The following PTPRE variants were observed in gnomAD, a reference collection of about 807,000 sequenced individuals.
The protein encoded by PTPRE is receptor-type tyrosine-protein phosphatase epsilon.
PTPRE carries 51 observed loss-of-function variants against 102.0 expected under a neutral mutation model. The observed-to-expected ratio is 0.50, with a 90% CI of 0.40 to 0.63. PTPRE has a LOEUF of 0.63. PTPRE is among the 30% of genes least tolerant of loss of function. The pLI is 0.00. For synonymous variants in PTPRE, 345 were observed against 348.2 expected (o/e 0.99, Z 0.10); for missense variants, 752 against 915.1 (o/e 0.82, Z 2.30).
intron 2 of PTPRE, among the ~76,000 whole-genome samples, chr10:128,019,795 A>G (rs1335134710): frequency 6.6e-6 from 1 of 152,116 alleles, no homozygotes; most frequent in Non-Finnish European, 1.5e-5. Flanking sequence ...GGGTCCTGCG[A>G]GAGGTGTTGG....
intron 15 of PTPRE, 41 bp from the exon 16 acceptor site, chr10:128,072,097 G>A (rs755967035): frequency 1.3e-6 from 2 of 1,565,366 alleles, no homozygotes; most frequent in East Asian, 2.2e-5. Flanking sequence ...AGCAAGGTGG[G>A]ACCCTTTTTG....
chr10:128,046,418 G>A (rs1029328825), intron 3 of PTPRE, among the ~76,000 whole-genome samples: 4 of 152,188 alleles, frequency 2.6e-5, no homozygotes, highest in African/African-American at 7.2e-5. Context: ...AAGCCCGGTC[G>A]TTGCCTTCGA....
At chr10:127,920,737 G>A (rs1446657858) in intron 1 of PTPRE, among the ~76,000 whole-genome samples, 1 of 152,170 alleles carries the variant, frequency 6.6e-6, no homozygotes, top group Non-Finnish European at 1.5e-5. Context: ...ATGGAAATAT[G>A]ACTCAAGTTC....
chr10:127,925,552 G>A (rs545171592), intron 1 of PTPRE, among the ~76,000 whole-genome samples: 1 of 152,318 alleles, frequency 6.6e-6, no homozygotes, highest in African/African-American at 2.4e-5. Context: ...AGAAAACAGG[G>A]AGGAGCCCAG....
chr10:127,951,005 G>A (rs990010999), intron 1 of PTPRE, among the ~76,000 whole-genome samples: 6 of 152,106 alleles, frequency 3.9e-5, no homozygotes, highest in Non-Finnish European at 8.8e-5. Context: ...GCTGAGGCAG[G>A]AGAATGGCTT....
chr10:127,990,010 T>C (rs1263600343), intron 2 of PTPRE, among the ~76,000 whole-genome samples: 1 of 152,216 alleles, frequency 6.6e-6, no homozygotes, highest in Non-Finnish European at 1.5e-5. Flanking sequence ...AAGTGGTTGA[T>C]TCTAGTTCTA....
chr10:127,936,629 C>G (rs1461723583), intron 1 of PTPRE, among the ~76,000 whole-genome samples: 1 of 152,124 alleles, frequency 6.6e-6, no homozygotes, highest in Non-Finnish European at 1.5e-5. Context: ...AATCACGAAG[C>G]CTTCCAGCAT....
rs530609846 is a variant in PTPRE at position 127,913,292 on chromosome 10, G to A, written c.-31+5983G>A. Reference sequence around the variant, plus strand: ...TCTGCCACAGTCGCTTTGTCCTCAAGGCAAGTCATTTAATTCCTATTCAAT... The same window carrying A: ...TCTGCCACAGTCGCTTTGTCCTCAAAGCAAGTCATTTAATTCCTATTCAAT... On this transcript the variant is annotated intron_variant, in intron 1 of 20. Transcript: ENST00000254667. Among the ~76,000 whole-genome samples, 8 of 152,316 alleles carry A rather than the reference G, an allele frequency of 5.3e-5. No homozygotes were observed. The East Asian group carries it at 1.5e-3, about 29-fold the overall frequency.
At chr10:128,005,395 C>G (rs931726005) in intron 2 of PTPRE, among the ~76,000 whole-genome samples, 3 of 152,220 alleles carry the variant, frequency 2.0e-5, no homozygotes, top group African/African-American at 7.2e-5. Flanking sequence ...CCTTGCTCAT[C>G]TACCTTTTTC....
In PTPRE at chr10:128,040,863, G is replaced by C. The variant is rs758397687; in HGVS notation, c.-7-12G>C. On this transcript the variant is annotated splice_polypyrimidine_tract_variant and intron_variant, in intron 2 of 20. Coordinates refer to ENST00000254667, the MANE Select transcript of PTPRE (RefSeq NM_006504.6). ...CTGGATGACCTCTGAGCCTGTCCCT[G>C]CCTCTCTGCAGGTCCACCATGGAGC... The C allele has an allele frequency of 2.5e-6, 4 of 1,611,254 alleles. 1 individual carries two copies. In the South Asian group the frequency reaches 4.4e-5, roughly 18 times the overall value.
intron 2 of PTPRE, among the ~76,000 whole-genome samples, chr10:128,010,295 G>GA (rs1844871881): frequency 6.6e-6 from 1 of 152,240 alleles, no homozygotes; most frequent in African/African-American, 2.4e-5. Context: ...CAGGGACTCT[G>GA]AAGCCTGGTG....
intron 1 of PTPRE, among the ~76,000 whole-genome samples, chr10:127,914,151 CTT>C (rs1377070566): frequency 6.6e-6 from 1 of 152,206 alleles, no homozygotes; most frequent in African/African-American, 2.4e-5. Flanking sequence ...CACTCTCTCT[CTT>C]GTTCCCACTC....
At chr10:127,937,989 G>A (rs978980478) in intron 1 of PTPRE, among the ~76,000 whole-genome samples, 3 of 152,112 alleles carry the variant, frequency 2.0e-5, no homozygotes, top group African/African-American at 7.2e-5. Flanking sequence ...AGTAGGTAAC[G>A]CTCTCTCACA....
chr10:128,065,932 C>A, intron 10 of PTPRE, 143 bp from the exon 11 acceptor site: 5 of 1,222,128 alleles, frequency 4.1e-6, no homozygotes, highest in Non-Finnish European at 4.8e-6. Flanking sequence ...TTCAAGAGGT[C>A]GACACACGTG....
intron 2 of PTPRE, among the ~76,000 whole-genome samples, chr10:128,026,111 T>A (rs562225672): frequency 6.6e-6 from 1 of 152,318 alleles, no homozygotes; most frequent in African/African-American, 2.4e-5. Context: ...GGTGGCTATG[T>A]GGCCTGACTC....
At chr10:128,034,325 A>AC (rs58597055) in intron 2 of PTPRE, among the ~76,000 whole-genome samples, 17,157 of 147,006 alleles carry the variant, frequency 0.12, 1,071 homozygotes, top group Non-Finnish European at 0.13. Flanking sequence ...CCTCCACACC[A>AC]CCCCCCCCAC....
chr10:127,912,073 C>T (rs1206302131), intron 1 of PTPRE, among the ~76,000 whole-genome samples: 1 of 152,110 alleles, frequency 6.6e-6, no homozygotes, highest in Non-Finnish European at 1.5e-5. Flanking sequence ...TGAAGGCAGC[C>T]TCCTTTTCTT....
chr10:128,063,551 G>A (rs997740032), intron 10 of PTPRE, among the ~76,000 whole-genome samples: 1 of 152,176 alleles, frequency 6.6e-6, no homozygotes, highest in African/African-American at 2.4e-5. Context: ...ATGATTTCGC[G>A]CTTATTATCC....
chr10:127,966,820 C>T (rs1391266203), intron 1 of PTPRE, among the ~76,000 whole-genome samples: 1 of 152,134 alleles, frequency 6.6e-6, no homozygotes, highest in Non-Finnish European at 1.5e-5. Context: ...TTTGTCATGG[C>T]CATGAAGAGC....
Sources: gnomAD v4.1 joint callset for allele counts (sites outside exome capture counted in the v4.1 genomes callset) on GRCh38, gnomAD v4.1.1 for gene constraint, MANE v1.5 for transcripts, NCBI Gene and HGNC (gene_info 2026-07-23, HGNC 2026-07-21) for gene names.